MDGA2: variants seen among roughly 807,000 people sequenced by gnomAD.
MDGA2 encodes the protein MAM domain-containing glycosylphosphatidylinositol anchor protein 2.
A neutral mutation model predicts 117.8 loss-of-function variants in MDGA2; 40 were observed. That is an observed-to-expected ratio of 0.34 (90% CI 0.26 to 0.44). The LOEUF (loss-of-function observed/expected upper bound fraction) is 0.44. MDGA2 is among the 20% of genes least tolerant of loss of function. The pLI, the probability that MDGA2 is intolerant of heterozygous loss-of-function variation, is 1.00. For synonymous variants in MDGA2, 452 were observed against 439.0 expected (o/e 1.03, Z -0.37); for missense variants, 1,123 against 1,250.6 (o/e 0.90, Z 1.54).
At chr14:46,895,367 T>C (rs1883035225) in intron 10 of MDGA2, among the ~76,000 whole-genome samples, 1 of 152,186 alleles carries the variant, frequency 6.6e-6, no homozygotes, top group East Asian at 1.9e-4. Flanking sequence ...AGCATGAGAA[T>C]GGACTAACAC....
chr14:47,358,743 T>C (rs981627990), intron 1 of MDGA2, among the ~76,000 whole-genome samples: 2 of 152,158 alleles, frequency 1.3e-5, no homozygotes, highest in South Asian at 4.1e-4. Context: ...TACTTAGGAA[T>C]ACATTTCATC....
At chr14:47,394,995 A>C (rs1891976374) in intron 1 of MDGA2, among the ~76,000 whole-genome samples, 2 of 152,074 alleles carry the variant, frequency 1.3e-5, no homozygotes, top group Admixed American at 1.3e-4. Flanking sequence ...TCTGCAAAAA[A>C]ATTTTAAAAA....
intron 2 of MDGA2, among the ~76,000 whole-genome samples, chr14:47,268,141 C>T (rs1888026308): frequency 6.6e-6 from 1 of 151,294 alleles, no homozygotes; most frequent in African/African-American, 2.4e-5. Context: ...GGTGCCATCT[C>T]GGCTCACTGC....
intron 2 of MDGA2, among the ~76,000 whole-genome samples, chr14:47,295,735 C>A (rs1054702691): frequency 6.6e-6 from 1 of 151,928 alleles, no homozygotes; most frequent in Non-Finnish European, 1.5e-5. Context: ...GAAACTGGGT[C>A]TTTATTAAAA....
At chr14:47,201,034 GC>G in intron 3 of MDGA2, 1 of 1,111,602 alleles carries the variant, frequency 9.0e-7, no homozygotes. Flanking sequence ...TACCTGTTTA[GC>G]CACAATGGCC....
At chr14:47,079,386 T>G (rs982328230) in intron 6 of MDGA2, among the ~76,000 whole-genome samples, 2 of 152,170 alleles carry the variant, frequency 1.3e-5, no homozygotes, top group Non-Finnish European at 2.9e-5. Context: ...CTTCAACCTT[T>G]TAGATATCAG....
At chr14:47,538,513 G>A (rs1037845583) in intron 1 of MDGA2, among the ~76,000 whole-genome samples, 2 of 152,108 alleles carry the variant, frequency 1.3e-5, no homozygotes, top group South Asian at 2.1e-4. Context: ...TTGAGATTTC[G>A]TGTTATATAC....
intron 2 of MDGA2, among the ~76,000 whole-genome samples, chr14:47,256,183 T>C (rs1463752884): frequency 1.3e-5 from 2 of 151,826 alleles, no homozygotes; most frequent in Non-Finnish European, 2.9e-5. Flanking sequence ...TATAATACCT[T>C]CCTTTAAAAC....
chr14:46,862,284 T>C (rs1881541158), intron 14 of MDGA2, among the ~76,000 whole-genome samples: 1 of 151,798 alleles, frequency 6.6e-6, no homozygotes, highest in Admixed American at 6.6e-5. Flanking sequence ...TCAGCTCTTA[T>C]GTTTAAAGAC....
At chr14:46,851,333 T>G (rs1275211944) in intron 15 of MDGA2, among the ~76,000 whole-genome samples, 1 of 151,984 alleles carries the variant, frequency 6.6e-6, no homozygotes, top group African/African-American at 2.4e-5. Context: ...TGGTATATGA[T>G]GTAAAATTCA....
At chr14:46,918,758 A>ATTTTTTTTTTTTTTTTTTT (rs1884000042) in intron 10 of MDGA2, among the ~76,000 whole-genome samples, 2 of 108,660 alleles carry the variant, frequency 1.8e-5, no homozygotes, top group African/African-American at 1.2e-4. Context: ...CATACAGTGT[A>ATTTTTTTTTTTTTTTTTTT]TCTTTTTTTT....
At chr14:47,175,583 T>G (rs1397236041) in intron 3 of MDGA2, among the ~76,000 whole-genome samples, 1 of 151,976 alleles carries the variant, frequency 6.6e-6, no homozygotes, top group Non-Finnish European at 1.5e-5. Flanking sequence ...GAAAAGGCCT[T>G]TGACAAAATT....
chr14:47,253,221 C>G (rs1470236108), intron 2 of MDGA2, among the ~76,000 whole-genome samples: 3 of 152,206 alleles, frequency 2.0e-5, no homozygotes, highest in Non-Finnish European at 4.4e-5. Flanking sequence ...TTTCAAAACA[C>G]AATCATGACT....
At chr14:47,476,313 T>C (rs1893835956) in intron 1 of MDGA2, among the ~76,000 whole-genome samples, 1 of 151,902 alleles carries the variant, frequency 6.6e-6, no homozygotes, top group South Asian at 2.1e-4. Context: ...GTTTATAAAT[T>C]TAATCTAGAA....
chr14:47,081,737 T>G (rs894305234), intron 6 of MDGA2, among the ~76,000 whole-genome samples: 2 of 152,154 alleles, frequency 1.3e-5, no homozygotes, highest in South Asian at 2.1e-4. Flanking sequence ...ATTTTTAGTA[T>G]GCAGTGACTG....
chr14:47,065,435 G>T (rs975479295), intron 6 of MDGA2, among the ~76,000 whole-genome samples: 2 of 152,126 alleles, frequency 1.3e-5, no homozygotes, highest in Non-Finnish European at 2.9e-5. Context: ...GCCTGTGAAT[G>T]TGAATGTCAA....
chr14:47,049,125 A>AT (rs1889363987), intron 7 of MDGA2, among the ~76,000 whole-genome samples: 2 of 152,116 alleles, frequency 1.3e-5, no homozygotes, highest in Non-Finnish European at 2.9e-5. Context: ...AAGCCATGGT[A>AT]AAAGTGGACT....
At chr14:47,117,485 G>C (rs1175619266) in intron 5 of MDGA2, among the ~76,000 whole-genome samples, 1 of 152,098 alleles carries the variant, frequency 6.6e-6, no homozygotes, top group Non-Finnish European at 1.5e-5. Flanking sequence ...CTACAGTCAA[G>C]AGGTGCACGT....
intron 1 of MDGA2, among the ~76,000 whole-genome samples, chr14:47,380,668 C>T (rs1040271048): frequency 2.1e-4 from 32 of 151,926 alleles, no homozygotes; most frequent in African/African-American, 7.5e-4. Context: ...CAGGAAGAAT[C>T]TGAATCCCTG....
Sources: gnomAD v4.1 joint callset for allele counts (sites outside exome capture counted in the v4.1 genomes callset) on GRCh38, gnomAD v4.1.1 for gene constraint, MANE v1.5 for transcripts, NCBI Gene and HGNC (gene_info 2026-07-23, HGNC 2026-07-21) for gene names.